Variants in RALYL observed in about 807,000 individuals in gnomAD.
RALYL encodes the protein RNA-binding Raly-like protein.
In RALYL, 29 loss-of-function variants were observed where a neutral mutation model predicts 35.1. That is an observed-to-expected ratio of 0.83 (90% CI 0.61 to 1.13). RALYL has a LOEUF of 1.13. Among genes scored for constraint, RALYL ranks in the 50% most tolerant of loss-of-function variants. The probability of loss-of-function intolerance (pLI) is 0.00; values close to 1 mark genes in which losing one functional copy is unlikely to be tolerated. For missense variants in RALYL, 359 were observed against 360.4 expected (o/e 1.00, Z 0.03); for synonymous variants, 120 against 127.6 (o/e 0.94, Z 0.40).
chr8:84,376,213 T>C (rs1418217281), intron 1 of RALYL, among the ~76,000 whole-genome samples: 1 of 151,736 alleles, frequency 6.6e-6, no homozygotes, highest in African/African-American at 2.4e-5. Context: ...AAAGAAAAAA[T>C]TTGAACTAAG....
intron 1 of RALYL, among the ~76,000 whole-genome samples, chr8:84,411,713 A>G (rs1013008785): frequency 3.3e-5 from 5 of 152,000 alleles, no homozygotes; most frequent in African/African-American, 1.2e-4. Context: ...TCAACCATTG[A>G]TTATTTGTTT....
intron 2 of RALYL, among the ~76,000 whole-genome samples, chr8:84,727,808 C>G (rs893439381): frequency 1.3e-5 from 2 of 151,924 alleles, no homozygotes; most frequent in Non-Finnish European, 1.5e-5. Flanking sequence ...TGAACTCATC[C>G]TTTTTTATGG....
At chr8:84,695,451 T>G (rs1005898928) in intron 2 of RALYL, among the ~76,000 whole-genome samples, 1 of 151,856 alleles carries the variant, frequency 6.6e-6, no homozygotes, top group Admixed American at 6.6e-5. Context: ...ACTAGAACCA[T>G]TATTTCAAGT....
chr8:84,608,394 C>T (rs921389865), intron 2 of RALYL, among the ~76,000 whole-genome samples: 1 of 152,118 alleles, frequency 6.6e-6, no homozygotes, highest in Non-Finnish European at 1.5e-5. Context: ...AATTCCTCCT[C>T]TTACCCTCTT....
At chr8:84,724,404 T>C (rs1844564834) in intron 2 of RALYL, among the ~76,000 whole-genome samples, 1 of 151,820 alleles carries the variant, frequency 6.6e-6, no homozygotes, top group African/African-American at 2.4e-5. Context: ...AAGCATACCA[T>C]AGAGGAATCT....
chr8:84,824,053 G>A (rs1829097469), intron 4 of RALYL, among the ~76,000 whole-genome samples: 1 of 151,866 alleles, frequency 6.6e-6, no homozygotes, highest in Admixed American at 6.6e-5. Context: ...CATACATATG[G>A]GAAAATAAAC....
intron 1 of RALYL, among the ~76,000 whole-genome samples, chr8:84,418,002 A>G (rs73306314): frequency 0.029 from 4,467 of 152,066 alleles, 219 homozygotes; most frequent in African/African-American, 0.1. Context: ...GCCCAACAGG[A>G]GATGATCAGT....
At chr8:84,182,827 G>C (rs1360517364), upstream of RALYL, 5 of 152,824 alleles carry the variant, frequency 3.3e-5, no homozygotes, top group Non-Finnish European at 5.8e-5. Context: ...AAGGCAGCTT[G>C]GGAGGGATGG....
intron 6 of RALYL, among the ~76,000 whole-genome samples, chr8:84,871,389 A>G (rs781703984): frequency 9.9e-5 from 15 of 152,204 alleles, no homozygotes; most frequent in African/African-American, 1.9e-4. Flanking sequence ...TCTAGTTGCT[A>G]AGAAATATAT....
chr8:84,294,742 C>T (rs1348766299), intron 1 of RALYL, among the ~76,000 whole-genome samples: 1 of 151,454 alleles, frequency 6.6e-6, no homozygotes, highest in African/African-American at 2.4e-5. Flanking sequence ...CAAAGGTAGA[C>T]AGAGAAGTGG....
At chr8:84,707,387 T>C (rs1841405984) in intron 2 of RALYL, among the ~76,000 whole-genome samples, 1 of 152,210 alleles carries the variant, frequency 6.6e-6, no homozygotes, top group Non-Finnish European at 1.5e-5. Flanking sequence ...TTGAAAACCA[T>C]CTTGTGCCTT....
At chr8:84,241,903 A>G (rs187644641) in intron 1 of RALYL, among the ~76,000 whole-genome samples, 57 of 152,122 alleles carry the variant, frequency 3.7e-4, no homozygotes, top group African/African-American at 1.2e-3. Context: ...TGTGTTACAT[A>G]GGTAAACATG....
intron 4 of RALYL, among the ~76,000 whole-genome samples, chr8:84,840,862 A>G (rs922248680): frequency 6.6e-6 from 1 of 152,192 alleles, no homozygotes; most frequent in Admixed American, 6.5e-5. Flanking sequence ...ATATCCAGCC[A>G]AACTAAGCTT....
At chr8:84,855,677 G>A (rs1323485711) in intron 5 of RALYL, among the ~76,000 whole-genome samples, 3 of 152,208 alleles carry the variant, frequency 2.0e-5, no homozygotes, top group Non-Finnish European at 4.4e-5. Flanking sequence ...AAAAGGAGAT[G>A]TATACCTAAA....
At chr8:84,785,533 T>G (rs1819233202) in intron 3 of RALYL, among the ~76,000 whole-genome samples, 1 of 152,224 alleles carries the variant, frequency 6.6e-6, no homozygotes, top group Non-Finnish European at 1.5e-5. Context: ...TTAATACCTT[T>G]TTTCCTTCAA....
chr8:84,597,136 A>G (rs143237264), intron 2 of RALYL, among the ~76,000 whole-genome samples: 287 of 152,268 alleles, frequency 1.9e-3, no homozygotes, highest in African/African-American at 3.8e-3. Flanking sequence ...ACTTCTCACA[A>G]AAGCAAGAAG....
At chr8:84,315,205 T>C (rs1297540297) in intron 1 of RALYL, among the ~76,000 whole-genome samples, 1 of 148,470 alleles carries the variant, frequency 6.7e-6, no homozygotes, top group Non-Finnish European at 1.5e-5. Flanking sequence ...GTAAGATATA[T>C]TATATATGCA....
chr8:84,222,131 T>C (rs950224952), intron 1 of RALYL, among the ~76,000 whole-genome samples: 1 of 152,066 alleles, frequency 6.6e-6, no homozygotes, highest in Non-Finnish European at 1.5e-5. Context: ...ATTTCCAAAA[T>C]AGTGCATTGT....
intron 2 of RALYL, among the ~76,000 whole-genome samples, chr8:84,612,245 T>G (rs1818468752): frequency 6.6e-6 from 1 of 151,950 alleles, no homozygotes; most frequent in Admixed American, 6.6e-5. Flanking sequence ...AAATGCTATT[T>G]GTTAAAAAAA....
Sources: gnomAD v4.1 joint callset for allele counts (sites outside exome capture counted in the v4.1 genomes callset) on GRCh38, gnomAD v4.1.1 for gene constraint, MANE v1.5 for transcripts, NCBI Gene and HGNC (gene_info 2026-07-23, HGNC 2026-07-21) for gene names.